Variants in KIAA1217 observed in about 807,000 individuals in gnomAD.
KIAA1217 encodes the protein sickle tail protein homolog.
KIAA1217 carries 88 observed loss-of-function variants against 163.9 expected under a neutral mutation model. The ratio of observed to expected loss-of-function variants is 0.54; its 90% CI spans 0.45 to 0.64. KIAA1217 has a LOEUF of 0.64. Among genes scored for constraint, KIAA1217 ranks in the 30% least tolerant of loss-of-function variants. The pLI is 0.00. For missense variants in KIAA1217, 2,372 were observed against 2,475.0 expected, an observed-to-expected ratio of 0.96 and a Z score of 0.88; for synonymous variants, 903 against 923.1, an observed-to-expected ratio of 0.98 and a Z score of 0.39.
intron 1 of KIAA1217, among the ~76,000 whole-genome samples, chr10:23,929,377 T>C (rs1843160428): frequency 6.6e-6 from 1 of 152,156 alleles, no homozygotes; most frequent in Non-Finnish European, 1.5e-5. Flanking sequence ...CATGGAGATA[T>C]TGTGTGATGC....
intron 2 of KIAA1217, chr10:24,368,751 C>A: frequency 1.6e-6 from 1 of 619,286 alleles, no homozygotes; most frequent in Non-Finnish European, 2.0e-6. Flanking sequence ...CTTCTCCTCT[C>A]ACATAGGATC....
intron 2 of KIAA1217, among the ~76,000 whole-genome samples, chr10:24,243,493 C>T (rs2073363432): frequency 6.6e-6 from 1 of 151,962 alleles, no homozygotes; most frequent in Admixed American, 6.6e-5. Flanking sequence ...TGTTTAACTC[C>T]CGCTTAATAA....
At chr10:24,003,697 C>T (rs1846857848) in intron 1 of KIAA1217, among the ~76,000 whole-genome samples, 1 of 152,178 alleles carries the variant, frequency 6.6e-6, no homozygotes. Context: ...ACTGCGCTAT[C>T]ACAGGATAAC....
intron 1 of KIAA1217, among the ~76,000 whole-genome samples, chr10:23,808,803 C>A (rs532154711): frequency 6.6e-6 from 1 of 152,104 alleles, no homozygotes; most frequent in African/African-American, 2.4e-5. Context: ...CAAGTGGTTC[C>A]ATACTGGTTC....
chr10:24,437,167 T>G (rs896263123), intron 4 of KIAA1217, among the ~76,000 whole-genome samples: 9 of 152,236 alleles, frequency 5.9e-5, no homozygotes, highest in Non-Finnish European at 1.2e-4. Flanking sequence ...CGCCTGTGAC[T>G]CCTTCCTCTG....
At chr10:23,720,066 G>A (rs1564364694) in intron 1 of KIAA1217, among the ~76,000 whole-genome samples, 1 of 151,880 alleles carries the variant, frequency 6.6e-6, no homozygotes, top group Admixed American at 6.6e-5. Flanking sequence ...TAGGGGATTT[G>A]AATTTAGTAT....
At chr10:24,451,195 TA>T (rs937718685) in intron 5 of KIAA1217, among the ~76,000 whole-genome samples, 1 of 152,128 alleles carries the variant, frequency 6.6e-6, no homozygotes, top group African/African-American at 2.4e-5. Context: ...GTGTTGCTCA[TA>T]AAAAAATGTT....
At chr10:24,136,965 A>G (rs2063854969) in intron 2 of KIAA1217, among the ~76,000 whole-genome samples, 2 of 152,226 alleles carry the variant, frequency 1.3e-5, no homozygotes, top group South Asian at 2.1e-4. Context: ...AATATACAAT[A>G]TACTCTGGCA....
At chr10:24,059,038 A>T (rs1201224169) in intron 2 of KIAA1217, among the ~76,000 whole-genome samples, 1 of 152,096 alleles carries the variant, frequency 6.6e-6, no homozygotes, top group Non-Finnish European at 1.5e-5. Context: ...GGCCTTTATT[A>T]TGTTGAGGTA....
intron 2 of KIAA1217, among the ~76,000 whole-genome samples, chr10:24,040,472 A>G (rs1285895521): frequency 6.6e-6 from 1 of 152,266 alleles, no homozygotes; most frequent in Non-Finnish European, 1.5e-5. Flanking sequence ...TTGGGCAGAC[A>G]TAAAAGATAA....
chr10:24,284,201 C>A (rs2078292451), intron 2 of KIAA1217, among the ~76,000 whole-genome samples: 1 of 152,148 alleles, frequency 6.6e-6, no homozygotes. Flanking sequence ...AGCTACCGTA[C>A]CCAGCTGAGC....
At chr10:23,856,546 G>T (rs1303648910) in intron 1 of KIAA1217, among the ~76,000 whole-genome samples, 4 of 152,242 alleles carry the variant, frequency 2.6e-5, no homozygotes, top group African/African-American at 7.2e-5. Context: ...CTTCAAAGCT[G>T]TCAGGGACAT....
chr10:24,210,982 G>A (rs1044281129), intron 1 of KIAA1217, among the ~76,000 whole-genome samples: 4 of 151,670 alleles, frequency 2.6e-5, no homozygotes, highest in Non-Finnish European at 5.9e-5. Context: ...GCCATATTTG[G>A]GATATACTTA....
chr10:23,969,454 T>G (rs1389961197), intron 1 of KIAA1217, among the ~76,000 whole-genome samples: 2 of 152,202 alleles, frequency 1.3e-5, no homozygotes, highest in African/African-American at 4.8e-5. Flanking sequence ...TCACCAAAAT[T>G]TGTTATTATC....
chr10:24,359,218 T>A (rs961637720), intron 2 of KIAA1217, among the ~76,000 whole-genome samples: 5 of 151,878 alleles, frequency 3.3e-5, no homozygotes, highest in East Asian at 3.9e-4. Context: ...GCCTCCCAAG[T>A]AGCTGGGACT....
At chr10:24,062,497 CATG>C (rs997693045) in intron 2 of KIAA1217, among the ~76,000 whole-genome samples, 1 of 151,340 alleles carries the variant, frequency 6.6e-6, no homozygotes, top group African/African-American at 2.4e-5. Context: ...CATAGTATTC[CATG>C]GTGTATATGT....
chr10:23,934,315 C>T (rs1004707128), intron 1 of KIAA1217, among the ~76,000 whole-genome samples: 5 of 150,626 alleles, frequency 3.3e-5, no homozygotes, highest in African/African-American at 1.2e-4. Context: ...TATGTTCTCA[C>T]TTGGGAGTTG....
chr10:24,245,373 G>C (rs185858470), intron 2 of KIAA1217, among the ~76,000 whole-genome samples: 5 of 152,314 alleles, frequency 3.3e-5, no homozygotes, highest in Non-Finnish European at 7.3e-5. Context: ...AAGATGGAGA[G>C]AGCAGAGACC....
chr10:23,902,200 C>A (rs562246579), intron 1 of KIAA1217, among the ~76,000 whole-genome samples: 1 of 151,946 alleles, frequency 6.6e-6, no homozygotes, highest in Non-Finnish European at 1.5e-5. Flanking sequence ...TAAAAAGGAA[C>A]AAGATTATGT....
Sources: allele counts gnomAD v4.1 joint callset (sites outside exome capture counted in the v4.1 genomes callset), GRCh38; gene constraint gnomAD v4.1.1; transcripts MANE v1.5; gene names NCBI Gene and HGNC (gene_info 2026-07-23, HGNC 2026-07-21).